Variants in SETBP1 observed in about 807,000 individuals in gnomAD.
SETBP1 encodes SET binding protein 1, also known as SET-binding protein.
Under a neutral mutation model 101.0 loss-of-function variants are expected in SETBP1, and 9 were observed. That is an observed-to-expected ratio of 0.09 (90% CI 0.05 to 0.16). The LOEUF (loss-of-function observed/expected upper bound fraction) is 0.16. SETBP1 is among the 10% of genes least tolerant of loss of function. The pLI is 1.00. For missense variants in SETBP1, 1,858 were observed against 2,033.8 expected (o/e 0.91, Z 1.66); for synonymous variants, 818 against 788.5 (o/e 1.04, Z -0.63).
intron 3 of SETBP1, among the ~76,000 whole-genome samples, chr18:44,944,798 A>G (rs1223072918): frequency 6.6e-6 from 1 of 151,788 alleles, no homozygotes; most frequent in East Asian, 1.9e-4. Flanking sequence ...GAGTTATGTG[A>G]TTTTTTCTTA....
At chr18:44,719,865 T>TG (rs2069547159) in intron 2 of SETBP1, among the ~76,000 whole-genome samples, 1 of 152,064 alleles carries the variant, frequency 6.6e-6, no homozygotes, top group African/African-American at 2.4e-5. Flanking sequence ...AGTCCAGCTG[T>TG]GGGGGTCAGA....
rs138657127 is a variant in SETBP1 at position 44,794,844 on chromosome 18, G to A, written c.487-74386G>A. On this transcript the variant is annotated intron_variant, in intron 2 of 5. Transcript: ENST00000649279. ...GGGATGACTATTGGTGGCAAAATGT[G>A]TCTTAGGATCTGAGATTTGTATGTG... Among the ~76,000 whole-genome samples, 49 of 152,260 alleles carry A rather than the reference G, an allele frequency of 3.2e-4. 1 individual carries two copies. Among genetic ancestry groups the A allele is most frequent in the Middle Eastern group, 6.8e-3 (2 of 294 alleles).
intron 5 of SETBP1, among the ~76,000 whole-genome samples, chr18:45,055,771 C>G (rs1258935484): frequency 1.3e-5 from 2 of 152,152 alleles, no homozygotes; most frequent in Non-Finnish European, 2.9e-5. Flanking sequence ...AAACCATCCT[C>G]TTTATTAACA....
intron 5 of SETBP1, among the ~76,000 whole-genome samples, chr18:45,061,900 G>A (rs2073896013): frequency 6.6e-6 from 1 of 152,234 alleles, no homozygotes; most frequent in Admixed American, 6.5e-5. Flanking sequence ...GGTTGAACAT[G>A]CAGCGTAAAT....
At chr18:44,732,117 T>C (rs938124459) in intron 2 of SETBP1, among the ~76,000 whole-genome samples, 81 of 152,348 alleles carry the variant, frequency 5.3e-4, no homozygotes, top group African/African-American at 1.9e-3. Context: ...TATGCAAATA[T>C]GCTGGACTCT....
At chr18:44,743,569 T>C in intron 2 of SETBP1, among the ~76,000 whole-genome samples, 1 of 152,192 alleles carries the variant, frequency 6.6e-6, no homozygotes. Flanking sequence ...GCAGTGGGCA[T>C]GGGCAGAGTT....
chr18:44,733,379 G>A (rs941593710), intron 2 of SETBP1: 1 of 152,190 alleles, frequency 6.6e-6, no homozygotes, highest in Non-Finnish European at 1.5e-5. Context: ...ACGACCTGTC[G>A]GTTCTATTAG....
intron 2 of SETBP1, among the ~76,000 whole-genome samples, chr18:44,819,864 G>T (rs1280902767): frequency 1.3e-5 from 2 of 152,164 alleles, no homozygotes; most frequent in East Asian, 3.8e-4. Context: ...GACACCTCTT[G>T]AAGACAAGGC....
At chr18:45,013,054 G>A (rs1394459540) in intron 4 of SETBP1, among the ~76,000 whole-genome samples, 4 of 152,248 alleles carry the variant, frequency 2.6e-5, no homozygotes, top group African/African-American at 9.6e-5. Context: ...CAGTACTTAG[G>A]AAAGGCAAGG....
At chr18:44,982,276 T>C (rs1303568975) in intron 4 of SETBP1, among the ~76,000 whole-genome samples, 1 of 152,208 alleles carries the variant, frequency 6.6e-6, no homozygotes, top group East Asian at 1.9e-4. Flanking sequence ...AGCAAGCATA[T>C]GGCAGAGTGC....
At chr18:44,762,124 C>A (rs961596670) in intron 2 of SETBP1, among the ~76,000 whole-genome samples, 3 of 145,908 alleles carry the variant, frequency 2.1e-5, no homozygotes, top group African/African-American at 7.6e-5. Context: ...ACAGTTCTAC[C>A]AAGCTTCTAA....
intron 3 of SETBP1, among the ~76,000 whole-genome samples, chr18:44,873,141 T>G (rs1483190612): frequency 2.0e-5 from 3 of 152,164 alleles, no homozygotes; most frequent in African/African-American, 7.2e-5. Flanking sequence ...AAAACAGAAC[T>G]TTCACTCACT....
intron 2 of SETBP1, among the ~76,000 whole-genome samples, chr18:44,773,793 C>CT (rs2070927273): frequency 7.5e-6 from 1 of 133,246 alleles, no homozygotes; most frequent in Non-Finnish European, 1.6e-5. Context: ...TCTCAACCAG[C>CT]CTCTCTCTCT....
At chr18:45,003,116 A>G (rs2072650399) in intron 4 of SETBP1, among the ~76,000 whole-genome samples, 1 of 152,256 alleles carries the variant, frequency 6.6e-6, no homozygotes, top group African/African-American at 2.4e-5. Flanking sequence ...TATTTCTGAA[A>G]TTATCTCCAG....
chr18:44,854,647 A>G (rs1003467791), intron 2 of SETBP1, among the ~76,000 whole-genome samples: 2 of 152,230 alleles, frequency 1.3e-5, no homozygotes, highest in African/African-American at 2.4e-5. Context: ...AACCCTTGGC[A>G]TCGTCCTTCA....
Position 44,994,648 on chromosome 18 carries a change from T to A in SETBP1, c.4000+41308T>A, listed in dbSNP as rs575315563. 5.9e-5 allele frequency among the ~76,000 whole-genome samples: 9 copies of A among 152,306 alleles called. No individual in the cohort carries two copies. In the South Asian group the frequency reaches 1.9e-3, roughly 32 times the overall value. On this transcript the variant is annotated intron_variant, in intron 4 of 5. Transcript: ENST00000649279. ...ACACTGGACACAACTTGGTTGCCCA[T>A]TGACAATAATGTAGATATGTACATG...
At chr18:45,045,290 C>T (rs1191462097) in intron 5 of SETBP1, among the ~76,000 whole-genome samples, 5 of 152,092 alleles carry the variant, frequency 3.3e-5, no homozygotes, top group Admixed American at 6.5e-5. Flanking sequence ...GGCATAGTGG[C>T]GGGCACCTAT....
At chr18:44,919,187 T>C (rs899623847) in intron 3 of SETBP1, among the ~76,000 whole-genome samples, 1 of 152,184 alleles carries the variant, frequency 6.6e-6, no homozygotes, top group Admixed American at 6.5e-5. Flanking sequence ...AACAAAAATA[T>C]AATACATTAA....
At chr18:44,934,389 T>C (rs2070911385) in intron 3 of SETBP1, among the ~76,000 whole-genome samples, 1 of 152,222 alleles carries the variant, frequency 6.6e-6, no homozygotes, top group South Asian at 2.1e-4. Context: ...CCTCAAGTGA[T>C]CTGCCCTCCT....
Sources: allele counts gnomAD v4.1 joint callset (sites outside exome capture counted in the v4.1 genomes callset), GRCh38; gene constraint gnomAD v4.1.1; transcripts MANE v1.5; gene names NCBI Gene and HGNC (gene_info 2026-07-23, HGNC 2026-07-21).